The following EPHA8 variants were observed in gnomAD, a reference collection of about 807,000 sequenced individuals.
EPHA8 encodes EPH receptor A8.
EPHA8 carries 58 observed loss-of-function variants against 103.6 expected under a neutral mutation model. That is an observed-to-expected ratio of 0.56 (90% CI 0.45 to 0.70). EPHA8 has a LOEUF of 0.70. Among genes scored for constraint, EPHA8 ranks in the 30% least tolerant of loss-of-function variants. The probability of loss-of-function intolerance (pLI) is 0.00; values close to 1 mark genes in which losing one functional copy is unlikely to be tolerated. For synonymous variants in EPHA8, 559 were observed against 572.5 expected (o/e 0.98, Z 0.34); for missense variants, 1,304 against 1,395.2 (o/e 0.93, Z 1.04).
Position 22,602,048 on chromosome 1 carries a change from G to C in EPHA8, c.*307G>C, listed in dbSNP as rs986171206. 1 of 499,688 alleles carries C rather than the reference G, an allele frequency of 2.0e-6. No individual in the cohort carries two copies. The highest frequency in any genetic ancestry group is 2.0e-5 in the African/African-American group (1 of 49,524). The allele number at this position is 499,688 out of a possible 1,614,324, so 31.0% of individuals were successfully genotyped here. A position where few individuals can be genotyped will look rare whatever the true frequency, so the allele number is the denominator to read the frequency against. On this transcript the variant is annotated 3_prime_UTR_variant, in exon 17 of 17. Transcript: ENST00000166244. ...ACATCACTCGCCTGCCTCTGTGTGCGTGCATGTGTGTGTGTGGTGGGGGGT... is the reference window on the plus strand; with the variant it reads ...ACATCACTCGCCTGCCTCTGTGTGCCTGCATGTGTGTGTGTGGTGGGGGGT...
chr1:22,589,337 T>C lies in EPHA8; in HGVS notation c.1315+131T>C. The C allele has an allele frequency of 1.2e-6, 2 of 1,603,612 alleles. No homozygotes were observed. The highest frequency in any genetic ancestry group is 8.5e-7 in the Non-Finnish European group (1 of 1,176,072). On this transcript the variant is annotated intron_variant, in intron 5 of 16. Transcript: ENST00000166244. This position sits in a 1 kb window ranked among gnomAD's most constrained non-coding sequence, Gnocchi z 4.3. ...GGCAAGTGCCTCTCTGGCCCTGCGC[T>C]CCTCACCAGGACCCAGAGCTGGAGG... is the stretch of plus-strand genomic sequence containing the variant.
chr1:22,595,092 G>T, intron 7 of EPHA8, 138 bp from the exon 8 acceptor site: 1 of 584,106 alleles, frequency 1.7e-6, no homozygotes, highest in South Asian at 3.2e-5. Context: ...CCTGCGCCCT[G>T]ACTCTGGGCT....
chr1:22,599,100 G>A lies in EPHA8; in HGVS notation c.2388+53G>A, dbSNP rs141984638. The A allele has an allele frequency of 5.9e-5, 91 of 1,534,974 alleles. No homozygotes were observed. In the African/African-American group the frequency reaches 8.3e-4, roughly 14 times the overall value. ...GACTGGGGAGTGGGGAGATGGCGCCGGTGGCACCCAGGGCCCAACCATTCT... is the reference window on the plus strand; with the variant it reads ...GACTGGGGAGTGGGGAGATGGCGCCAGTGGCACCCAGGGCCCAACCATTCT... On this transcript the variant is annotated intron_variant, in intron 13 of 16. Coordinates refer to ENST00000166244, the MANE Select transcript of EPHA8 (RefSeq NM_020526.5).
rs190771115 is a variant in EPHA8 at position 22,582,762 on chromosome 1, A to G, written c.824-3718A>G. Among the ~76,000 whole-genome samples, 684 of 152,208 alleles carry G rather than the reference A, an allele frequency of 4.5e-3. 5 individuals are homozygous for G. The highest frequency in any genetic ancestry group is 0.016 in the African/African-American group (649 of 41,550). ...CCCAGCACCCCCCGCACCCTGGTTC[A>G]CCCCAGAAAGAGGAAGGGCCTCTCA... On this transcript the variant is annotated intron_variant, in intron 3 of 16. Coordinates refer to ENST00000166244, the MANE Select transcript of EPHA8 (RefSeq NM_020526.5).
In EPHA8 at chr1:22,589,476, CTG is replaced by C; in HGVS notation, c.1315+273_1315+274del. 1.4e-6 allele frequency: 2 copies of C among 1,474,344 alleles called. No individual in the cohort carries two copies. The highest frequency in any genetic ancestry group is 3.0e-5 in the South Asian group (2 of 67,704). 91.3% of individuals were successfully genotyped at this position (1,474,344 alleles called of 1,614,324 possible). A position where few individuals can be genotyped will look rare whatever the true frequency, so the allele number is the denominator to read the frequency against. ...GCCTAGGTTCCAGAACTTTCCCTCTCTGTGCCTCAGTTTCCTCCCTGGTGCAA... is the reference window on the plus strand; with the variant it reads ...GCCTAGGTTCCAGAACTTTCCCTCTCTGCCTCAGTTTCCTCCCTGGTGCAA... On this transcript the variant is annotated intron_variant, in intron 5 of 16. Transcript: ENST00000166244. This position sits in a 1 kb window ranked among gnomAD's most constrained non-coding sequence, Gnocchi z 4.3.
rs762748031 is a variant in EPHA8, at chr1:22,596,091, T to C, written c.1698-15T>C. 99 of 1,613,024 alleles carry C rather than the reference T, an allele frequency of 6.1e-5. No homozygotes were observed. The highest frequency in any genetic ancestry group is 8.1e-5 in the Non-Finnish European group (95 of 1,179,568). ...GGTGGCCTGGCCTCAGGCAGGGCGG[T>C]GCCCTCCTCTGCAGGCACTGTGGCT... On this transcript the variant is annotated splice_polypyrimidine_tract_variant and intron_variant, in intron 8 of 16. Transcript: ENST00000166244.
chr1:22,564,041 G>A (rs1640280086), intron 1 of EPHA8, among the ~76,000 whole-genome samples: 1 of 151,866 alleles, frequency 6.6e-6, no homozygotes, highest in South Asian at 2.1e-4. Context: ...GGGGACAAGG[G>A]GACAGGACTG....
intron 5 of EPHA8, among the ~76,000 whole-genome samples, chr1:22,591,512 TGCCCAGCACCACC>T (rs1641371440): frequency 6.6e-6 from 1 of 151,802 alleles, no homozygotes; most frequent in African/African-American, 2.4e-5. Context: ...TGAGCCACCA[TGCCCAGCACCACC>T]GCCCCCCAAG....
rs569959790 is a variant in EPHA8, at chr1:22,590,657, C to G, written c.1315+1451C>G. ...ACCTCCTTTAAATGGCCTCTAAAGGCCATGGGTCCCTGGGAATGTCCTGGG... is the reference window on the plus strand; with the variant it reads ...ACCTCCTTTAAATGGCCTCTAAAGGGCATGGGTCCCTGGGAATGTCCTGGG... On this transcript the variant is annotated intron_variant, in intron 5 of 16. Transcript: ENST00000166244. Among the ~76,000 whole-genome samples the G allele has an allele frequency of 2.0e-5, 3 of 152,274 alleles. No individual in the cohort carries two copies. In the South Asian group the frequency reaches 6.2e-4, roughly 32 times the overall value.
In EPHA8 at chr1:22,599,006, C is replaced by T. The variant is rs202070589; in HGVS notation, c.2347C>T (p.Arg783Trp). ...VCKVSDFGLS[R>W]VLEDDPDAAY... ...CAAGGTGTCTGACTTCGGGCTCTCA[C>T]GGGTGCTGGAGGACGACCCGGATGC... The change falls in exon 13 of 17, where the codon CGG becomes TGG. Residue 783 changes from arginine to tryptophan, a missense_variant. Transcript: ENST00000166244. The T allele has an allele frequency of 6.6e-5, 107 of 1,611,316 alleles. No homozygotes were observed. Among genetic ancestry groups the T allele is most frequent in the Non-Finnish European group, 8.1e-5 (95 of 1,179,372 alleles).
intron 3 of EPHA8, among the ~76,000 whole-genome samples, chr1:22,580,743 T>C (rs538241197): frequency 6.6e-6 from 1 of 152,352 alleles, no homozygotes; most frequent in South Asian, 2.1e-4. Context: ...AAGGCAGGTA[T>C]CACAATTCCA....
In EPHA8 at chr1:22,602,040, C is replaced by CT; in HGVS notation, c.*300dup. Reference sequence around the variant, plus strand: ...CAACAGGGACATCACTCGCCTGCCTCTGTGTGCGTGCATGTGTGTGTGTGG... The same window carrying CT: ...CAACAGGGACATCACTCGCCTGCCTCTTGTGTGCGTGCATGTGTGTGTGTGG... On this transcript the variant is annotated 3_prime_UTR_variant, in exon 17 of 17. Transcript: ENST00000166244. 1 of 519,250 alleles carries CT rather than the reference C, an allele frequency of 1.9e-6. No individual in the cohort carries two copies. The highest frequency in any genetic ancestry group is 3.4e-6 in the Non-Finnish European group (1 of 295,628). The allele number at this position is 519,250 out of a possible 1,614,324, so 32.2% of individuals were successfully genotyped here.
Position 22,597,793 on chromosome 1 carries a change from G to A in EPHA8, c.2048G>A (p.Ser683Asn). ...GAGAGACAGAGGCGGGACTTCCTGAGCGAGGCGTCCATCATGGGGCAATTC... is the reference window on the plus strand; with the variant it reads ...GAGAGACAGAGGCGGGACTTCCTGAACGAGGCGTCCATCATGGGGCAATTC... Reference protein sequence around the residue: ...YTERQRRDFLSEASIMGQFDH... With the variant: ...YTERQRRDFLNEASIMGQFDH... Residue 683 changes from serine (S) to asparagine (N), a missense_variant, in exon 11 of 17, where the codon AGC becomes AAC. Physicochemically the swap from Ser to Asn is conservative, Grantham distance 46 (BLOSUM62 1). Transcript: ENST00000166244. This position sits in a 1 kb window ranked among gnomAD's most constrained non-coding sequence, Gnocchi z 4.6. The A allele has an allele frequency of 1.2e-6, 2 of 1,613,134 alleles. No individual in the cohort carries two copies. Among genetic ancestry groups the A allele is most frequent in the Non-Finnish European group, 1.7e-6 (2 of 1,179,972 alleles).
In EPHA8 at chr1:22,597,596, G is replaced by A; in HGVS notation, c.1931-80G>A. 2.6e-6 allele frequency: 4 copies of A among 1,546,862 alleles called. No homozygotes were observed. The highest frequency in any genetic ancestry group is 3.5e-6 in the Non-Finnish European group (4 of 1,144,270). ...ACCCAGGGGTCTGGCAAGCCCAGGGGGTCCAAGGGCCTGGGAGGCTGGGGG... is the reference window on the plus strand; with the variant it reads ...ACCCAGGGGTCTGGCAAGCCCAGGGAGTCCAAGGGCCTGGGAGGCTGGGGG... On this transcript the variant is annotated intron_variant, in intron 10 of 16. Coordinates refer to ENST00000166244, the MANE Select transcript of EPHA8 (RefSeq NM_020526.5). The surrounding 1 kb of genome is among the most constrained non-coding windows in gnomAD (Gnocchi z 4.6).
rs185715688 is a variant in EPHA8 at position 22,587,469 on chromosome 1, C to T, written c.979+834C>T. The stretch of plus-strand genomic sequence containing the variant: ...GGGTGTGGCTGCATGTGCACGTGCC[C>T]TGTGGACCTGAAGGTATGGGGGGAT... On this transcript the variant is annotated intron_variant, in intron 4 of 16. Transcript: ENST00000166244. Among the ~76,000 whole-genome samples the T allele has an allele frequency of 2.7e-3, 417 of 152,262 alleles. 1 individual carries two copies. Among genetic ancestry groups the T allele is most frequent in the Middle Eastern group, 6.8e-3 (2 of 294 alleles).
chr1:22,575,344 G>A (rs1640654512), intron 2 of EPHA8, among the ~76,000 whole-genome samples: 3 of 152,178 alleles, frequency 2.0e-5, no homozygotes. Flanking sequence ...GATTAGTGAT[G>A]CTGAGCATCT....
chr1:22,579,567 C>T (rs900530627), intron 3 of EPHA8, among the ~76,000 whole-genome samples: 9 of 152,174 alleles, frequency 5.9e-5, no homozygotes, highest in Non-Finnish European at 1.3e-4. Context: ...GAACACTAAG[C>T]AAGCTTGTGT....
Position 22,567,656 on chromosome 1 carries a change from A to G in EPHA8, c.95-1633A>G, listed in dbSNP as rs113523445. 5.6e-3 allele frequency among the ~76,000 whole-genome samples: 859 copies of G among 152,260 alleles called. 6 individuals are homozygous for G. Among genetic ancestry groups the G allele is most frequent in the Non-Finnish European group, 9.1e-3 (622 of 68,012 alleles). On this transcript the variant is annotated intron_variant, in intron 1 of 16. Transcript: ENST00000166244. This position sits in a 1 kb window ranked among gnomAD's most constrained non-coding sequence, Gnocchi z 4.2. The stretch of plus-strand genomic sequence containing the variant: ...GTGAGAGGCAGGAGAAAATCAGCAA[A>G]TAAGAGCATCCTCACTCCAGCATTT...
chr1:22,578,352 G>GCA (rs1557560419), intron 3 of EPHA8, among the ~76,000 whole-genome samples: 7 of 150,350 alleles, frequency 4.7e-5, no homozygotes, highest in Non-Finnish European at 8.9e-5. Flanking sequence ...ATGTGTGTAT[G>GCA]TGTGCGTGCA....
Sources: gnomAD v4.1 joint callset for allele counts (sites outside exome capture counted in the v4.1 genomes callset) on GRCh38, gnomAD v4.1.1 for gene constraint, Gnocchi (gnomAD v3.1) non-coding constraint, MANE v1.5 for transcripts, NCBI Gene and HGNC (gene_info 2026-07-23, HGNC 2026-07-21) for gene names.